GABRA1: variants seen among roughly 807,000 people sequenced by gnomAD.
GABRA1 encodes gamma-aminobutyric acid type A receptor subunit alpha1.
In GABRA1, 9 loss-of-function variants were observed where a neutral mutation model predicts 48.9. The ratio of observed to expected loss-of-function variants is 0.18; its 90% CI spans 0.11 to 0.32. The LOEUF (loss-of-function observed/expected upper bound fraction) is 0.32, where lower values mean the gene tolerates loss of function less well. Among genes scored for constraint, GABRA1 ranks in the 10% least tolerant of loss-of-function variants. The probability of loss-of-function intolerance (pLI) is 1.00; values close to 1 mark genes in which losing one functional copy is unlikely to be tolerated. For missense variants in GABRA1, 285 were observed against 553.8 expected (o/e 0.51, Z 4.87); for synonymous variants, 210 against 198.7 (o/e 1.06, Z -0.48).
chr5:161,869,218 ATCT>A (rs545415101), intron 4 of GABRA1, among the ~76,000 whole-genome samples: 48 of 152,344 alleles, frequency 3.2e-4, no homozygotes, highest in African/African-American at 1.1e-3. Flanking sequence ...TAATAAATTA[ATCT>A]ACGTTAATAA....
intron 4 of GABRA1, chr5:161,872,155 T>C (rs1477506490): frequency 1.3e-5 from 2 of 152,654 alleles, no homozygotes; most frequent in South Asian, 2.1e-4. Context: ...GTTTGGAGTA[T>C]ACTTAGATTA....
intron 6 of GABRA1, among the ~76,000 whole-genome samples, chr5:161,880,348 A>T (rs968089952): frequency 6.6e-6 from 1 of 152,112 alleles, no homozygotes; most frequent in African/African-American, 2.4e-5. Flanking sequence ...ATATTAGTAA[A>T]TGTGGTTATC....
At chr5:161,853,409 C>T (rs548783901) in intron 2 of GABRA1, among the ~76,000 whole-genome samples, 1 of 151,810 alleles carries the variant, frequency 6.6e-6, no homozygotes, top group Non-Finnish European at 1.5e-5. Context: ...TCAAGGTTTG[C>T]TCACAAATAG....
At chr5:161,893,120 G>T (rs1388553442) in intron 8 of GABRA1, among the ~76,000 whole-genome samples, 3 of 151,134 alleles carry the variant, frequency 2.0e-5, no homozygotes, top group Non-Finnish European at 4.4e-5. Context: ...ATTGGAAAAG[G>T]TTCCTTTAAA....
rs1217531305 is a variant in GABRA1, at chr5:161,850,838, T to C, written c.28T>C (p.Cys10Arg). 2 of 1,614,144 alleles carry C rather than the reference T, an allele frequency of 1.2e-6. No homozygotes were observed. The highest frequency in any genetic ancestry group is 1.3e-5 in the African/African-American group (1 of 75,062). The change falls in exon 2 of 10, where the codon TGT becomes CGT. Residue 10 changes from cysteine to arginine, a missense_variant. Coordinates refer to ENST00000393943, the MANE Select transcript of GABRA1 (RefSeq NM_001127644.2). ...GAGGAAAAGTCCAGGTCTGTCTGACTGTCTTTGGGCCTGGATCCTCCTTCT... is the reference window on the plus strand; with the variant it reads ...GAGGAAAAGTCCAGGTCTGTCTGACCGTCTTTGGGCCTGGATCCTCCTTCT... MRKSPGLSD[C>R]LWAWILLLST...
intron 3 of GABRA1, among the ~76,000 whole-genome samples, chr5:161,861,396 A>G (rs548407492): frequency 2.8e-4 from 43 of 152,020 alleles, no homozygotes; most frequent in African/African-American, 9.9e-4. Flanking sequence ...GATTAGCCCT[A>G]TGTCCATAGA....
At chr5:161,850,970 A>C (rs1303579172) in intron 2 of GABRA1, 86 bp downstream of exon 2, 1 of 1,107,528 alleles carries the variant, frequency 9.0e-7, no homozygotes, top group Non-Finnish European at 1.4e-6. Flanking sequence ...TCCTCAAATG[A>C]ATTTATGACT....
intron 6 of GABRA1, among the ~76,000 whole-genome samples, chr5:161,876,688 A>G (rs1272105770): frequency 6.6e-6 from 1 of 152,136 alleles, no homozygotes; most frequent in African/African-American, 2.4e-5. Context: ...ACATTTGGTG[A>G]TAACTCCCTT....
chr5:161,870,679 G>C (rs190023911), intron 4 of GABRA1, among the ~76,000 whole-genome samples: 44 of 152,058 alleles, frequency 2.9e-4, no homozygotes, highest in African/African-American at 9.9e-4. Flanking sequence ...AAAAAGAGGG[G>C]GTTCTGGCTA....
At chr5:161,858,325 A>C (rs760989181) in intron 3 of GABRA1, among the ~76,000 whole-genome samples, 44 of 151,804 alleles carry the variant, frequency 2.9e-4, no homozygotes, top group Admixed American at 9.2e-4. Flanking sequence ...GTGAAATTTC[A>C]GTCACTTTCA....
chr5:161,897,262 C>G lies in GABRA1; in HGVS notation c.1211C>G (p.Thr404Arg), dbSNP rs768389200. The change falls in exon 10 of 10, where the codon ACA becomes AGA. Residue 404 changes from threonine (T) to arginine (R), a missense_variant. By Grantham distance (71) the Thr-to-Arg change is moderately conservative. Around this residue, in one of 6 missense-constraint regions of GABRA1, gnomAD observed 99 missense variants for 94.2 expected, o/e 1.05. Coordinates refer to ENST00000393943, the MANE Select transcript of GABRA1 (RefSeq NM_001127644.2). ...GAACCTAAAGAGGTCAAGCCCGAAA[C>G]AAAACCACCAGAACCCAAGAAAACC... ...TIEPKEVKPE[T>R]KPPEPKKTFN... is the part of the protein sequence containing the mutation. The G allele has an allele frequency of 6.2e-7, 1 of 1,614,176 alleles. No homozygotes were observed. Among genetic ancestry groups the G allele is most frequent in the South Asian group, 1.1e-5 (1 of 91,088 alleles).
intron 6 of GABRA1, among the ~76,000 whole-genome samples, chr5:161,880,717 T>G (rs1029713814): frequency 1.3e-5 from 2 of 152,206 alleles, no homozygotes; most frequent in Non-Finnish European, 2.9e-5. Flanking sequence ...GGCTACATTT[T>G]TCTGCATCAC....
intron 8 of GABRA1, among the ~76,000 whole-genome samples, chr5:161,894,760 T>A (rs1272554322): frequency 6.6e-6 from 1 of 152,154 alleles, no homozygotes; most frequent in Non-Finnish European, 1.5e-5. Flanking sequence ...ATTTGGTAAA[T>A]GAACATTAGA....
intron 3 of GABRA1, among the ~76,000 whole-genome samples, chr5:161,859,323 G>A (rs1441310043): frequency 6.6e-6 from 1 of 151,550 alleles, no homozygotes; most frequent in Non-Finnish European, 1.5e-5. Context: ...CTAACCTTTA[G>A]CCTAATTGTT....
At chr5:161,878,036 T>A (rs1202461011) in intron 6 of GABRA1, among the ~76,000 whole-genome samples, 5 of 152,194 alleles carry the variant, frequency 3.3e-5, no homozygotes, top group Non-Finnish European at 5.9e-5. Flanking sequence ...ATTGGTTAAC[T>A]TTTGTATTGC....
intron 3 of GABRA1, among the ~76,000 whole-genome samples, chr5:161,860,720 A>T (rs1339813507): frequency 6.6e-6 from 1 of 151,652 alleles, no homozygotes; most frequent in East Asian, 1.9e-4. Context: ...GATGCATTGC[A>T]TGCTTGTATC....
intron 6 of GABRA1, among the ~76,000 whole-genome samples, chr5:161,881,063 T>C (rs1366026092): frequency 6.6e-6 from 1 of 152,218 alleles, no homozygotes. Flanking sequence ...ATTCACTTTA[T>C]CTTTGGATTT....
chr5:161,870,612 A>T (rs1471212935), intron 4 of GABRA1, among the ~76,000 whole-genome samples: 2 of 151,536 alleles, frequency 1.3e-5, no homozygotes, highest in East Asian at 3.9e-4. Context: ...AAAGAAAGGA[A>T]GAAAGAAAGA....
At chr5:161,877,839 G>A (rs1754429344) in intron 6 of GABRA1, among the ~76,000 whole-genome samples, 1 of 152,076 alleles carries the variant, frequency 6.6e-6, no homozygotes, top group Non-Finnish European at 1.5e-5. Flanking sequence ...TTCTTTGCTT[G>A]GATTACTCTT....
Sources: allele counts gnomAD v4.1 joint callset (sites outside exome capture counted in the v4.1 genomes callset), GRCh38; gene constraint gnomAD v4.1.1; regional missense constraint gnomAD v4.1.1; transcripts MANE v1.5; gene names NCBI Gene and HGNC (gene_info 2026-07-23, HGNC 2026-07-21).